The following USP9X variants were observed in gnomAD, a reference collection of about 807,000 sequenced individuals.
The protein encoded by USP9X is ubiquitin carboxyl-terminal hydrolase 9X.
A neutral mutation model predicts 190.3 loss-of-function variants in USP9X; 7 were observed. The ratio of observed to expected loss-of-function variants is 0.04; its 90% CI spans 0.02 to 0.07. The LOEUF (loss-of-function observed/expected upper bound fraction) is 0.07, where lower values mean the gene tolerates loss of function less well. Ranked by LOEUF, USP9X falls within the 10% of genes least tolerant of loss-of-function variation. The pLI is 1.00. For missense variants in USP9X, 1,010 were observed against 1,916.9 expected, an observed-to-expected ratio of 0.53 and a Z score of 8.83; for synonymous variants, 645 against 659.5, an observed-to-expected ratio of 0.98 and a Z score of 0.34.
rs1033381970 is a variant in USP9X at position 41,216,498 on chromosome X, A to G, written c.5931A>G (p.Arg1977=). 8.3e-7 allele frequency: 1 copy of G among 1,211,651 alleles called. No individual in the cohort carries two copies. Among genetic ancestry groups the G allele is most frequent in the Non-Finnish European group, 1.1e-6 (1 of 895,531 alleles). Reference sequence around the variant, plus strand: ...TATCAGAGCTTGCTATCACCACCAGACCTCATCAGATTATTATGCCATCAG... The same window carrying G: ...TATCAGAGCTTGCTATCACCACCAGGCCTCATCAGATTATTATGCCATCAG... ...RYISELAITT[R]PHQIIMPSAI... is the part of the protein sequence containing the mutation. The change falls in exon 35 of 45, where the codon AGA becomes AGG. Residue 1977 remains arginine, a synonymous_variant. Transcript: ENST00000378308.
At position 41,153,096 on chromosome X, in the gene USP9X, C is replaced by G; in HGVS notation, c.1897+15C>G. The G allele has an allele frequency of 8.5e-7, 1 of 1,177,962 alleles. No individual in the cohort carries two copies. The highest frequency in any genetic ancestry group is 1.1e-6 in the Non-Finnish European group (1 of 879,374). ...ATATGCTAGAGGTATGTATTGTAAG[C>G]TAAAATAAACTATGGGAAATAGCAG... On this transcript the variant is annotated intron_variant, in intron 14 of 44. Transcript: ENST00000378308.
At chrX:41,204,564 G>A (rs2063073205) in intron 31 of USP9X, among the ~76,000 whole-genome samples, 1 of 104,235 alleles carries the variant, frequency 9.6e-6, no homozygotes, top group Admixed American at 1.1e-4. Flanking sequence ...CACCATTTGT[G>A]GAAGAGTACT....
chrX:41,192,711 T>A, intron 26 of USP9X, among the ~76,000 whole-genome samples: 1 of 111,668 alleles, frequency 9.0e-6, no homozygotes, highest in East Asian at 2.8e-4. Flanking sequence ...TTGGTAAATA[T>A]TGATCAAATA....
chrX:41,097,813 T>C (rs1013247321), intron 1 of USP9X, among the ~76,000 whole-genome samples: 2 of 111,195 alleles, frequency 1.8e-5, no homozygotes, highest in Non-Finnish European at 3.8e-5. Flanking sequence ...ACAGTGAAAA[T>C]GGCAAGTAAA....
intron 32 of USP9X, among the ~76,000 whole-genome samples, chrX:41,208,391 G>C (rs1469291054): frequency 1.8e-5 from 2 of 111,827 alleles, no homozygotes; most frequent in Non-Finnish European, 3.8e-5. Flanking sequence ...TAATGCCTTT[G>C]CTTTTTTGAC....
chrX:41,156,580 A>G (rs2062580793), intron 14 of USP9X, among the ~76,000 whole-genome samples: 1 of 111,766 alleles, frequency 8.9e-6, no homozygotes, highest in Admixed American at 9.5e-5. Context: ...GGTGGACATT[A>G]TATGTCAGGG....
chrX:41,180,115 A>G (rs1436431448), intron 21 of USP9X, among the ~76,000 whole-genome samples: 1 of 111,437 alleles, frequency 9.0e-6, no homozygotes, highest in African/African-American at 3.3e-5. Flanking sequence ...TATTACCTCC[A>G]TTTTCTAAAT....
chrX:41,186,776 T>TA, intron 24 of USP9X, 134 bp downstream of exon 24: 2 of 740,937 alleles, frequency 2.7e-6, no homozygotes, highest in Middle Eastern at 3.8e-4. Flanking sequence ...TTTCTGTTTT[T>TA]AATCAACTTT....
chrX:41,151,262 TA>T (rs961316966), intron 13 of USP9X, among the ~76,000 whole-genome samples: 3 of 111,185 alleles, frequency 2.7e-5, no homozygotes, highest in African/African-American at 9.8e-5. Context: ...AGTTAAGTGA[TA>T]AATCAGAATC....
rs1158519140 is a variant in USP9X, at chrX:41,161,329, CTTTTTTTTTTT to C, written c.1898-1444_1898-1434del. Among the ~76,000 whole-genome samples the C allele has an allele frequency of 4.3e-4, 14 of 32,468 alleles. 1 individual carries two copies. The highest frequency in any genetic ancestry group is 1.4e-3 in the African/African-American group (9 of 6,650). The allele number at this position is 32,468 out of a possible 115,157, so 28.2% of individuals were successfully genotyped here. The stretch of plus-strand genomic sequence containing the variant: ...GTAAAGAGTATAAGAGAATTCTTGC[CTTTTTTTTTTT>C]TTTTTTTTTTTTTTTTGGTGACGGA... On this transcript the variant is annotated intron_variant, in intron 14 of 44. Transcript: ENST00000378308.
At chrX:41,093,689 G>T (rs1184136158) in intron 1 of USP9X, among the ~76,000 whole-genome samples, 1 of 112,242 alleles carries the variant, frequency 8.9e-6, no homozygotes, top group Admixed American at 9.4e-5. Flanking sequence ...ACTGGTTAGG[G>T]ATATGAATCT....
chrX:41,223,597 C>T (rs1870558467), intron 39 of USP9X, among the ~76,000 whole-genome samples, 195 bp downstream of exon 39: 2 of 110,962 alleles, frequency 1.8e-5, no homozygotes, highest in Non-Finnish European at 3.8e-5. Context: ...ACCACCACGC[C>T]CGGCTAATTT....
chrX:41,125,676 A>T (rs866608689), intron 2 of USP9X, among the ~76,000 whole-genome samples: 14 of 41,724 alleles, frequency 3.4e-4, no homozygotes, highest in African/African-American at 8.0e-4. Flanking sequence ...ACACACACAC[A>T]CACACACACT....
At chrX:41,106,531 T>G (rs2062070429) in intron 1 of USP9X, among the ~76,000 whole-genome samples, 1 of 89,076 alleles carries the variant, frequency 1.1e-5, no homozygotes, top group Non-Finnish European at 2.2e-5. Flanking sequence ...AATTTTTTTT[T>G]TTTTTTTTTT....
chrX:41,205,643 T>TG, intron 32 of USP9X, 150 bp downstream of exon 32: 1 of 495,032 alleles, frequency 2.0e-6, no homozygotes, highest in Non-Finnish European at 3.0e-6. Context: ...GTTTTTTTTT[T>TG]TTTTTTTAGG....
chrX:41,150,129 C>T (rs1206092009), intron 12 of USP9X, among the ~76,000 whole-genome samples: 2 of 109,864 alleles, frequency 1.8e-5, no homozygotes, highest in Non-Finnish European at 3.8e-5. Context: ...TACAAAATAA[C>T]CCCAAACTTG....
chrX:41,134,698 G>C (rs369966759), intron 4 of USP9X, 27 bp from the exon 5 acceptor site: 34 of 1,152,721 alleles, frequency 2.9e-5, no homozygotes, highest in East Asian at 1.5e-4. Flanking sequence ...CATTTTGTTT[G>C]CATTAATTTT....
Position 41,141,422 on chromosome X carries a change from A to G in USP9X, c.1152A>G (p.Glu384=). 8.5e-7 allele frequency: 1 copy of G among 1,182,289 alleles called. No individual in the cohort carries two copies. Among genetic ancestry groups the G allele is most frequent in the South Asian group, 2.0e-5 (1 of 49,645 alleles). Residue 384 remains glutamate, a synonymous_variant, in exon 9 of 45, where the codon GAA becomes GAG. Coordinates refer to ENST00000378308, the MANE Select transcript of USP9X (RefSeq NM_001039591.3). ...AGGAGGAAGAGTGGCTCACAGCTGAACGAATGGCAGTGAGTCTTTCAGTTC... is the reference window on the plus strand; with the variant it reads ...AGGAGGAAGAGTGGCTCACAGCTGAGCGAATGGCAGTGAGTCTTTCAGTTC... The part of the protein sequence containing the change: ...NPEEEEWLTA[E]RMAEWIQQNN...
chrX:41,129,021 A>G lies in USP9X; in HGVS notation c.118A>G (p.Asn40Asp). The change falls in exon 3 of 45, where the codon AAT becomes GAT. Residue 40 changes from asparagine to aspartate, a missense_variant. Physicochemically the swap from Asn to Asp is conservative, Grantham distance 23. Coordinates refer to ENST00000378308, the MANE Select transcript of USP9X (RefSeq NM_001039591.3). ...QNQTSSPDSS[N>D]ENSPATPPDE... is the part of the protein sequence containing the mutation. ...TAAGACTTCATCGCCTGATTCTTCCAATGAAAATTCCCCGGCAACTCCCCC... is the reference window on the plus strand; with the variant it reads ...TAAGACTTCATCGCCTGATTCTTCCGATGAAAATTCCCCGGCAACTCCCCC... 2 of 1,210,636 alleles carry G rather than the reference A, an allele frequency of 1.7e-6. No individual in the cohort carries two copies. Among genetic ancestry groups the G allele is most frequent in the Non-Finnish European group, 2.2e-6 (2 of 895,038 alleles).
Sources: gnomAD v4.1 joint callset for allele counts (sites outside exome capture counted in the v4.1 genomes callset) on GRCh38, gnomAD v4.1.1 for gene constraint, MANE v1.5 for transcripts, NCBI Gene and HGNC (gene_info 2026-07-23, HGNC 2026-07-21) for gene names.